EYA4: variants seen among roughly 807,000 people sequenced by gnomAD.
EYA4 encodes protein phosphatase EYA4.
Under a neutral mutation model 87.9 loss-of-function variants are expected in EYA4, and 31 were observed. The ratio of observed to expected loss-of-function variants is 0.35; its 90% CI spans 0.27 to 0.48. The LOEUF is 0.48. Among genes scored for constraint, EYA4 ranks in the 20% least tolerant of loss-of-function variants. EYA4 has a pLI of 0.99. For missense variants in EYA4, 678 were observed against 761.4 expected (o/e 0.89, Z 1.29); for synonymous variants, 263 against 270.6 (o/e 0.97, Z 0.28).
At chr6:133,523,791 A>G (rs1234607943) in intron 18 of EYA4, among the ~76,000 whole-genome samples, 1 of 152,050 alleles carries the variant, frequency 6.6e-6, no homozygotes, top group Non-Finnish European at 1.5e-5. Flanking sequence ...ATAAACATTC[A>G]AAAGCAAAAC....
chr6:133,380,860 TTCCTCC>T (rs370054944), intron 2 of EYA4, among the ~76,000 whole-genome samples: 5 of 148,376 alleles, frequency 3.4e-5, no homozygotes, highest in Non-Finnish European at 7.4e-5. Context: ...CTTGTTCCTC[TTCCTCC>T]TCCTCCTCCT....
intron 3 of EYA4, among the ~76,000 whole-genome samples, chr6:133,428,911 C>CTTCTTTTTT (rs1790919538): frequency 1.2e-4 from 6 of 48,234 alleles, no homozygotes; most frequent in Non-Finnish European, 1.8e-4. Flanking sequence ...GATTTAGCTT[C>CTTCTTTTTT]TTTTTTTTTT....
At chr6:133,365,653 A>G (rs931350495) in intron 2 of EYA4, among the ~76,000 whole-genome samples, 1 of 152,096 alleles carries the variant, frequency 6.6e-6, no homozygotes, top group African/African-American at 2.4e-5. Flanking sequence ...GGGAAAGGGA[A>G]GGGCAGAGGA....
intron 3 of EYA4, among the ~76,000 whole-genome samples, chr6:133,431,338 C>T (rs890036690): frequency 3.3e-5 from 5 of 152,150 alleles, no homozygotes; most frequent in African/African-American, 1.2e-4. Flanking sequence ...GGAGAATAGG[C>T]TGTTCTAGGG....
chr6:133,296,031 G>C (rs537280250), intron 2 of EYA4, among the ~76,000 whole-genome samples: 1 of 152,176 alleles, frequency 6.6e-6, no homozygotes, highest in South Asian at 2.1e-4. Context: ...TGCTGTGGAG[G>C]TCGGTGATCA....
intron 2 of EYA4, among the ~76,000 whole-genome samples, chr6:133,310,674 G>A (rs1365779172): frequency 2.6e-5 from 4 of 152,164 alleles, no homozygotes; most frequent in African/African-American, 9.6e-5. Context: ...ATATTTGGAG[G>A]AGTCTTGGGG....
chr6:133,467,382 T>C (rs1159485365), intron 10 of EYA4, among the ~76,000 whole-genome samples: 2 of 151,918 alleles, frequency 1.3e-5, no homozygotes, highest in Non-Finnish European at 2.9e-5. Flanking sequence ...CATAAGAGAG[T>C]ATAAGGATTA....
rs544901325 is a variant in EYA4, at chr6:133,373,576, C to T, written c.34-8816C>T. Among the ~76,000 whole-genome samples the T allele has an allele frequency of 1.1e-4, 17 of 152,106 alleles. 1 individual carries two copies. Among genetic ancestry groups the T allele is most frequent in the Admixed American group, 7.9e-4 (12 of 15,248 alleles). On this transcript the variant is annotated intron_variant, in intron 2 of 19. Transcript: ENST00000355286. ...AATTTTAATTTCGCTGCAGAAGATT[C>T]TACCAAATTAACATTATGATCATTA...
At chr6:133,407,570 C>T (rs1320988950) in intron 3 of EYA4, among the ~76,000 whole-genome samples, 1 of 152,066 alleles carries the variant, frequency 6.6e-6, no homozygotes, top group African/African-American at 2.4e-5. Flanking sequence ...AATCCAGAGA[C>T]TCCCTGTGCC....
intron 12 of EYA4, among the ~76,000 whole-genome samples, chr6:133,482,096 A>G (rs1796265505): frequency 6.6e-6 from 1 of 152,200 alleles, no homozygotes; most frequent in Non-Finnish European, 1.5e-5. Flanking sequence ...GTCACTTTCT[A>G]TTTATGAGTT....
chr6:133,265,029 G>A (rs976395933), intron 1 of EYA4, among the ~76,000 whole-genome samples: 8 of 152,038 alleles, frequency 5.3e-5, no homozygotes, highest in African/African-American at 1.9e-4. Context: ...CACCTGGACG[G>A]CGCCATGGTG....
intron 13 of EYA4, among the ~76,000 whole-genome samples, chr6:133,503,228 G>A (rs904258311): frequency 3.9e-5 from 6 of 152,252 alleles, no homozygotes; most frequent in South Asian, 4.1e-4. Flanking sequence ...ACAGAGTTAC[G>A]TACTTCAGAA....
intron 3 of EYA4, among the ~76,000 whole-genome samples, chr6:133,418,474 A>G (rs558035803): frequency 1.3e-5 from 2 of 152,330 alleles, no homozygotes; most frequent in African/African-American, 4.8e-5. Flanking sequence ...GAAAGTTATT[A>G]TTGGCATTAT....
At chr6:133,336,096 A>G (rs1368590172) in intron 2 of EYA4, among the ~76,000 whole-genome samples, 2 of 152,196 alleles carry the variant, frequency 1.3e-5, no homozygotes, top group African/African-American at 4.8e-5. Context: ...TATTATAAAT[A>G]GAAAGAATGA....
chr6:133,506,249 G>A, intron 14 of EYA4, 54 bp downstream of exon 14: 1 of 973,670 alleles, frequency 1.0e-6, no homozygotes, highest in Non-Finnish European at 1.7e-6. Context: ...CCTCCTAGAT[G>A]GTTTCTGTAT....
intron 17 of EYA4, among the ~76,000 whole-genome samples, 193 bp downstream of exon 17, chr6:133,515,628 T>A (rs1410077417): frequency 4.7e-5 from 4 of 85,130 alleles, no homozygotes; most frequent in African/African-American, 2.9e-4. Context: ...TGTGAGTGTG[T>A]GTGTGTGTGT....
At chr6:133,333,627 A>G (rs1472338600) in intron 2 of EYA4, among the ~76,000 whole-genome samples, 1 of 152,194 alleles carries the variant, frequency 6.6e-6, no homozygotes, top group Non-Finnish European at 1.5e-5. Context: ...TATTCAGAGT[A>G]CTGTGAAAAC....
intron 3 of EYA4, among the ~76,000 whole-genome samples, chr6:133,392,135 A>G (rs541573663): frequency 6.6e-6 from 1 of 152,224 alleles, no homozygotes; most frequent in East Asian, 1.9e-4. Context: ...AAACTCTTGT[A>G]CCAATTTTTG....
At chr6:133,284,798 G>A (rs1328351594) in intron 2 of EYA4, among the ~76,000 whole-genome samples, 1 of 152,074 alleles carries the variant, frequency 6.6e-6, no homozygotes, top group Non-Finnish European at 1.5e-5. Context: ...GGAAATACTT[G>A]GTGGACAAAA....
Sources: gnomAD v4.1 joint callset for allele counts (sites outside exome capture counted in the v4.1 genomes callset) on GRCh38, gnomAD v4.1.1 for gene constraint, MANE v1.5 for transcripts, NCBI Gene and HGNC (gene_info 2026-07-23, HGNC 2026-07-21) for gene names.